SMCO1: variants seen among roughly 807,000 people sequenced by gnomAD.
The protein encoded by SMCO1 is single-pass membrane and coiled-coil domain-containing protein 1.
SMCO1 carries 9 observed loss-of-function variants against 7.5 expected under a neutral mutation model. The ratio of observed to expected loss-of-function variants is 1.20; its 90% confidence interval spans 0.72 to 2.09. The LOEUF (loss-of-function observed/expected upper bound fraction) is 2.09, where lower values mean the gene tolerates loss of function less well. Among genes scored for constraint, SMCO1 ranks in the 30% most tolerant of loss-of-function variants. The pLI, the probability that SMCO1 is intolerant of heterozygous loss-of-function variation, is 0.00. For synonymous variants in SMCO1, 90 were observed against 93.8 expected, an observed-to-expected ratio of 0.96 and a Z score of 0.23; for missense variants, 219 against 253.1, an observed-to-expected ratio of 0.87 and a Z score of 0.91.
upstream of SMCO1, chr3:196,515,447 A>G (rs1733361627): frequency 5.8e-6 from 3 of 514,918 alleles, no homozygotes; most frequent in Non-Finnish European, 1.0e-5. Flanking sequence ...ATGCACTATA[A>G]CATTTGCCTT....
chr3:196,515,225 G>A lies in SMCO1; in HGVS notation c.-16C>T, dbSNP rs778241143. The A allele has an allele frequency of 1.3e-6, 2 of 1,591,184 alleles. No individual in the cohort carries two copies. The highest frequency in any genetic ancestry group is 2.2e-5 in the South Asian group (2 of 89,644). On this transcript the variant is annotated 5_prime_UTR_variant, in exon 1 of 3. Coordinates refer to ENST00000397537, the MANE Select transcript of SMCO1 (RefSeq NM_001077657.3). Reference sequence around the variant, plus strand: ...CATTGTTCATCTTCTGAAGGCAAAAGGAAAGAAAACAAAAACAAAGCAAAA... The same window carrying A: ...CATTGTTCATCTTCTGAAGGCAAAAAGAAAGAAAACAAAAACAAAGCAAAA...
intron 1 of SMCO1, among the ~76,000 whole-genome samples, chr3:196,510,821 A>T (rs1733201244): frequency 6.6e-6 from 1 of 152,178 alleles, no homozygotes; most frequent in Admixed American, 6.5e-5. Flanking sequence ...TATTTCTTAG[A>T]TACCTTTATG....
At chr3:196,512,745 C>T (rs998935439) in intron 1 of SMCO1, among the ~76,000 whole-genome samples, 4 of 151,772 alleles carry the variant, frequency 2.6e-5, no homozygotes, top group Non-Finnish European at 5.9e-5. Flanking sequence ...TGACCTCAGG[C>T]GATCCGCCCA....
intron 2 of SMCO1, 133 bp downstream of exon 2, chr3:196,509,384 AAAT>A: frequency 2.4e-6 from 2 of 842,404 alleles, no homozygotes; most frequent in Non-Finnish European, 3.6e-6. Context: ...TTTTTTAAAA[AAAT>A]AAATGAACCT....
At chr3:196,516,620 T>A (rs1733393779), upstream of SMCO1, among the ~76,000 whole-genome samples, 1 of 152,200 alleles carries the variant, frequency 6.6e-6, no homozygotes, top group South Asian at 2.1e-4. Flanking sequence ...TAATTGAATG[T>A]ATAAAACCTA....
At chr3:196,518,732 C>T (rs11185544), upstream of SMCO1, among the ~76,000 whole-genome samples, 54,614 of 152,078 alleles carry the variant, frequency 0.36, 10,259 homozygotes, top group Middle Eastern at 0.49. Flanking sequence ...TCTGTCCTTT[C>T]ATTCCAAGGC....
In SMCO1 at chr3:196,509,617, TG is replaced by T; in HGVS notation, c.102del (p.Phe34LeufsTer6). ...ALETQFKELDFTKDNLMQKFE... is the reference protein window; with the variant it reads ...ALETQFKELDXTKDNLMQKFE... Reference sequence around the variant, plus strand: ...AATTTCTGCATCAGGTTATCCTTGGTGAAGTCTAGTTCTTTGAACTGTGTTT... The same window carrying T: ...AATTTCTGCATCAGGTTATCCTTGGTAAGTCTAGTTCTTTGAACTGTGTTT... On this transcript the variant is annotated frameshift_variant, in exon 2 of 3. Coordinates refer to ENST00000397537, the MANE Select transcript of SMCO1 (RefSeq NM_001077657.3). LOFTEE classifies it high-confidence loss of function. 6.2e-7 allele frequency: 1 copy of T among 1,614,130 alleles called. No homozygotes were observed.
At chr3:196,509,775 G>T in intron 1 of SMCO1, 106 bp from the exon 2 acceptor site, 1 of 981,082 alleles carries the variant, frequency 1.0e-6, no homozygotes, top group Non-Finnish European at 1.4e-6. Flanking sequence ...ACCAAATTTG[G>T]ATAACTTTTT....
rs1733091334 is a variant in SMCO1, at chr3:196,507,921, G to A, written c.611C>T (p.Ser204Phe). The A allele has an allele frequency of 3.1e-6, 5 of 1,613,590 alleles. No homozygotes were observed. The African/African-American group carries it at 5.3e-5, about 17-fold the overall frequency. Residue 204 changes from serine to phenylalanine, a missense_variant, in exon 3 of 3, where the codon TCC (serine) becomes TTC (phenylalanine). Ser to Phe is a radical substitution (Grantham distance 155, BLOSUM62 -2). Transcript: ENST00000397537. ...AVRTPEKQKSSLEELIPSVKN is the reference protein window; with the variant it reads ...AVRTPEKQKSFLEELIPSVKN ...GACAGATGGTATCAACTCTTCGAGGGATGACTTTTGCTTTTCAGGGGTCCT... is the reference window on the plus strand; with the variant it reads ...GACAGATGGTATCAACTCTTCGAGGAATGACTTTTGCTTTTCAGGGGTCCT...
upstream of SMCO1, among the ~76,000 whole-genome samples, chr3:196,518,262 A>G (rs1476627674): frequency 6.6e-6 from 1 of 152,198 alleles, no homozygotes; most frequent in Non-Finnish European, 1.5e-5. Context: ...CACCTCCTCA[A>G]GCCTCCTGAC....
At position 196,515,251 on chromosome 3, in the gene SMCO1, CA is replaced by C; in HGVS notation, c.-43del. 1.4e-6 allele frequency: 2 copies of C among 1,481,068 alleles called. No homozygotes were observed. Among genetic ancestry groups the C allele is most frequent in the Admixed American group, 1.7e-5 (1 of 58,152 alleles). 91.7% of individuals were successfully genotyped at this position (1,481,068 alleles called of 1,614,324 possible). On this transcript the variant is annotated 5_prime_UTR_variant, in exon 1 of 3. Transcript: ENST00000397537. ...GAAAGAAAACAAAAACAAAGCAAAA[CA>C]AAAAAAGCAATAAATGTTTGAATCC...
chr3:196,515,133 T>TGA (rs757132357), intron 1 of SMCO1, 27 bp downstream of exon 1: 1 of 1,613,320 alleles, frequency 6.2e-7, no homozygotes, highest in Admixed American at 1.7e-5. Flanking sequence ...GACCCATGCT[T>TGA]GCTCCCTCCC....
At chr3:196,510,054 C>T (rs1231519228) in intron 1 of SMCO1, among the ~76,000 whole-genome samples, 1 of 152,146 alleles carries the variant, frequency 6.6e-6, no homozygotes, top group Admixed American at 6.5e-5. Context: ...ACAATCACTA[C>T]CTCCCAGGCT....
At chr3:196,520,273 C>A (rs1188274710), upstream of SMCO1, among the ~76,000 whole-genome samples, 1 of 152,304 alleles carries the variant, frequency 6.6e-6, no homozygotes, top group Admixed American at 6.5e-5. Flanking sequence ...TATGTACAGG[C>A]TTTCTCTGCC....
At chr3:196,518,621 G>A (rs1577539105), upstream of SMCO1, among the ~76,000 whole-genome samples, 1 of 149,940 alleles carries the variant, frequency 6.7e-6, no homozygotes, top group East Asian at 1.9e-4. Flanking sequence ...AGGACCCTGG[G>A]TGTTTCCCTA....
Position 196,507,205 on chromosome 3 carries a change from G to A in SMCO1, c.*682C>T, listed in dbSNP as rs1002170447. The A allele has an allele frequency of 1.3e-5, 2 of 152,206 alleles. No homozygotes were observed. Among genetic ancestry groups the A allele is most frequent in the Non-Finnish European group, 2.9e-5 (2 of 68,058 alleles). The allele number at this position is 152,206 out of a possible 1,614,324, so 9.4% of individuals were successfully genotyped here. A position where few individuals can be genotyped will look rare whatever the true frequency, so the allele number is the denominator to read the frequency against. ...TCCAGAACTCATAGCTTGGTTTTCA[G>A]GCTTTAGACTGTCCTTGGCTTGAAG... On this transcript the variant is annotated 3_prime_UTR_variant, in exon 3 of 3. Transcript: ENST00000397537.
At chr3:196,510,372 T>C (rs1280117018) in intron 1 of SMCO1, among the ~76,000 whole-genome samples, 6 of 152,166 alleles carry the variant, frequency 3.9e-5, no homozygotes, top group Admixed American at 3.3e-4. Flanking sequence ...ATTAAAGAAA[T>C]TGAGTCTCAA....
chr3:196,509,379 T>A (rs919817130), intron 2 of SMCO1, 141 bp downstream of exon 2: 25 of 823,102 alleles, frequency 3.0e-5, no homozygotes, highest in East Asian at 5.5e-5. Context: ...AATCTTTTTT[T>A]AAAAAAATAA....
Position 196,508,302 on chromosome 3 carries a change from T to C in SMCO1, c.230A>G (p.Tyr77Cys). 6.2e-7 allele frequency: 1 copy of C among 1,609,688 alleles called. No individual in the cohort carries two copies. The change falls in exon 3 of 3, where the codon TAC becomes TGC. Residue 77 changes from tyrosine to cysteine, a missense_variant. By Grantham distance (194) the Tyr-to-Cys change is radical (BLOSUM62 -2). Transcript: ENST00000397537. ...QLTSMELNIL[Y>C]SYVIEVLICL... ...GATAAGTACTTCAATGACGTAGCTGTATAAAATATTCAATTCCATTGAAGT... is the reference window on the plus strand; with the variant it reads ...GATAAGTACTTCAATGACGTAGCTGCATAAAATATTCAATTCCATTGAAGT...
Sources: gnomAD v4.1 joint callset for allele counts (sites outside exome capture counted in the v4.1 genomes callset) on GRCh38, gnomAD v4.1.1 for gene constraint, MANE v1.5 for transcripts, NCBI Gene and HGNC (gene_info 2026-07-23, HGNC 2026-07-21) for gene names.